Variants in SLC6A12 observed in about 807,000 individuals in gnomAD.
The protein encoded by SLC6A12 is sodium- and chloride-dependent betaine transporter.
SLC6A12 carries 50 observed loss-of-function variants against 73.3 expected under a neutral mutation model. The ratio of observed to expected loss-of-function variants is 0.68; its 90% CI spans 0.54 to 0.86. SLC6A12 has a LOEUF of 0.86. SLC6A12 is among the 40% of genes least tolerant of loss of function. SLC6A12 has a pLI of 0.00. For synonymous variants in SLC6A12, 304 were observed against 309.2 expected (o/e 0.98, Z 0.18); for missense variants, 648 against 772.8 (o/e 0.84, Z 1.92).
At chr12:188,348 G>C (rs528857299), downstream of SLC6A12, among the ~76,000 whole-genome samples, 1 of 151,918 alleles carries the variant, frequency 6.6e-6, no homozygotes, top group Non-Finnish European at 1.5e-5. Flanking sequence ...CCGGGCCGGC[G>C]GGGCCGGCAG....
intron 2 of SLC6A12, among the ~76,000 whole-genome samples, chr12:211,802 TTAATGA>T (rs1465171964): frequency 6.6e-6 from 1 of 152,178 alleles, no homozygotes; most frequent in Non-Finnish European, 1.5e-5. Context: ...GATCTAGCTG[TTAATGA>T]TAATAACAAC....
chr12:196,933 T>G, intron 10 of SLC6A12, 51 bp from the exon 11 acceptor site: 1 of 1,314,914 alleles, frequency 7.6e-7, no homozygotes, highest in South Asian at 1.2e-5. Context: ...GTGCTGCCCT[T>G]GGGGAAGAGG....
chr12:209,693 AGGAAG>A, intron 3 of SLC6A12, 75 bp downstream of exon 3: 1 of 1,488,606 alleles, frequency 6.7e-7, no homozygotes, highest in Non-Finnish European at 9.4e-7. Context: ...CACACTGCCC[AGGAAG>A]GAGGGCCCAG....
chr12:204,460 T>G (rs1940511917), intron 4 of SLC6A12, 104 bp downstream of exon 4: 2 of 1,134,626 alleles, frequency 1.8e-6, no homozygotes, highest in Non-Finnish European at 1.3e-6. Flanking sequence ...GATATGGGAG[T>G]GAGCGGATGG....
At chr12:205,251 C>G (rs1486506609) in intron 3 of SLC6A12, among the ~76,000 whole-genome samples, 1 of 152,018 alleles carries the variant, frequency 6.6e-6, no homozygotes, top group African/African-American at 2.4e-5. Flanking sequence ...TAACAGACAT[C>G]CAGCAGGTTA....
chr12:185,786 G>C (rs528216486), downstream of SLC6A12, among the ~76,000 whole-genome samples: 3 of 152,306 alleles, frequency 2.0e-5, no homozygotes, highest in South Asian at 6.2e-4. Flanking sequence ...GCTGGAGTGC[G>C]GGTCGCCAGG....
chr12:199,422 T>C lies in SLC6A12; in HGVS notation c.712-491A>G, dbSNP rs148290760. Among the ~76,000 whole-genome samples the C allele has an allele frequency of 3.0e-3, 461 of 152,330 alleles. 1 individual carries two copies. Among genetic ancestry groups the C allele is most frequent in the African/African-American group, 0.01 (420 of 41,588 alleles). Reference sequence around the variant, plus strand: ...GCCCCCTGGCGACCCAGGGGAATAGTGACCAGATTTGCACAGTGATCTGTG... The same window carrying C: ...GCCCCCTGGCGACCCAGGGGAATAGCGACCAGATTTGCACAGTGATCTGTG... On this transcript the variant is annotated intron_variant, in intron 7 of 15. Transcript: ENST00000684302.
chr12:209,150 C>A (rs756875209), intron 3 of SLC6A12, among the ~76,000 whole-genome samples: 50 of 152,164 alleles, frequency 3.3e-4, no homozygotes, highest in Admixed American at 8.5e-4. Context: ...TGGCACCTGC[C>A]GTTCCCTGTG....
chr12:193,471 C>G, intron 13 of SLC6A12, 94 bp from the exon 14 acceptor site: 2 of 880,608 alleles, frequency 2.3e-6, no homozygotes, highest in Non-Finnish European at 3.7e-6. Flanking sequence ...GTGCCCTTCC[C>G]TCACCCCCGC....
chr12:200,889 T>C lies in SLC6A12; in HGVS notation c.579-106A>G. 3 of 1,212,882 alleles carry C rather than the reference T, an allele frequency of 2.5e-6. No homozygotes were observed. The South Asian group carries it at 4.5e-5, about 18-fold the overall frequency. The allele number at this position is 1,212,882 out of a possible 1,614,324, so 75.1% of individuals were successfully genotyped here. ...CAGAGCTGACCCCACGGATCTCATA[T>C]TCCAGGGCTTCCCCCACTCCCCACC... On this transcript the variant is annotated intron_variant, in intron 6 of 15. Coordinates refer to ENST00000684302, the MANE Select transcript of SLC6A12 (RefSeq NM_001122848.3).
At chr12:204,139 G>A (rs893805474) in intron 4 of SLC6A12, 1 of 205,068 alleles carries the variant, frequency 4.9e-6, no homozygotes, top group South Asian at 9.7e-5. Flanking sequence ...CCAGCTGAGC[G>A]GGACATTTAC....
At chr12:200,615 G>A (rs765936491) in intron 7 of SLC6A12, 36 bp downstream of exon 7, 7 of 1,607,706 alleles carry the variant, frequency 4.4e-6, no homozygotes, top group Admixed American at 3.4e-5. Flanking sequence ...GACTCTGGGG[G>A]CCAAAGGGAG....
chr12:187,108 C>T (rs117741961), downstream of SLC6A12, among the ~76,000 whole-genome samples: 64 of 152,330 alleles, frequency 4.2e-4, 1 homozygote, highest in East Asian at 6.9e-3. Flanking sequence ...TGCCTCAGGG[C>T]TTCTGCTGCA....
intron 4 of SLC6A12, among the ~76,000 whole-genome samples, 174 bp downstream of exon 4, chr12:204,390 T>C (rs1940506517): frequency 6.6e-6 from 1 of 152,208 alleles, no homozygotes; most frequent in East Asian, 1.9e-4. Context: ...CGGGAGCCAG[T>C]GTTTCCCCAC....
chr12:209,667 CCCT>C, intron 3 of SLC6A12, 103 bp downstream of exon 3: 2 of 1,220,988 alleles, frequency 1.6e-6, no homozygotes, highest in Non-Finnish European at 2.4e-6. Context: ...TCCAAAATAG[CCCT>C]CCTTTTATAA....
Position 209,917 on chromosome 12 carries a change from T to C in SLC6A12, c.70A>G (p.Lys24Glu). The change falls in exon 3 of 16, where the codon AAG becomes GAG. Residue 24 changes from lysine to glutamate, a missense_variant. Physicochemically the swap from Lys to Glu is moderately conservative, Grantham distance 56. Coordinates refer to ENST00000684302, the MANE Select transcript of SLC6A12 (RefSeq NM_001122848.3). ...TGGTCCTCGTCTTCCTGGTCCAACT[T>C]CTCTCCCTCCTCGGGGACCCAGGAG... is the stretch of plus-strand genomic sequence containing the variant. ...AVSWVPEEGEKLDQEDEDQVK... is the reference protein window; with the variant it reads ...AVSWVPEEGEELDQEDEDQVK... 6.2e-7 allele frequency: 1 copy of C among 1,614,100 alleles called. No individual in the cohort carries two copies. The highest frequency in any genetic ancestry group is 1.1e-5 in the South Asian group (1 of 91,066).
rs535008118 is a variant in SLC6A12 at position 198,534 on chromosome 12, A to G, written c.846+263T>C. ...AGCTATGATGGCACCACTGCACTCCAGCCTGGGGGACAGAGCCAGACCCTG... is the reference window on the plus strand; with the variant it reads ...AGCTATGATGGCACCACTGCACTCCGGCCTGGGGGACAGAGCCAGACCCTG... On this transcript the variant is annotated intron_variant, in intron 8 of 15. Coordinates refer to ENST00000684302, the MANE Select transcript of SLC6A12 (RefSeq NM_001122848.3). This position sits in a 1 kb window ranked among gnomAD's most constrained non-coding sequence, Gnocchi z 4.0. 1.4e-4 allele frequency: 48 copies of G among 351,812 alleles called. 1 individual carries two copies. In the East Asian group the frequency reaches 2.7e-3, roughly 20 times the overall value. 21.8% of individuals were successfully genotyped at this position (351,812 alleles called of 1,614,324 possible). A position where few individuals can be genotyped will look rare whatever the true frequency, so the allele number is the denominator to read the frequency against.
At chr12:210,465 G>A (rs747440985) in intron 2 of SLC6A12, 214 of 956,028 alleles carry the variant, frequency 2.2e-4, no homozygotes, top group Non-Finnish European at 2.6e-4. Flanking sequence ...AAGGGTCAAC[G>A]GGCAGGTGTG....
intron 7 of SLC6A12, among the ~76,000 whole-genome samples, chr12:200,149 C>T (rs1417544348): frequency 1.3e-5 from 2 of 148,594 alleles, no homozygotes; most frequent in South Asian, 2.2e-4. Flanking sequence ...CTGGCTGTCG[C>T]CCAGGCTGGA....
Sources: gnomAD v4.1 joint callset for allele counts (sites outside exome capture counted in the v4.1 genomes callset) on GRCh38, gnomAD v4.1.1 for gene constraint, Gnocchi (gnomAD v3.1) non-coding constraint, MANE v1.5 for transcripts, NCBI Gene and HGNC (gene_info 2026-07-23, HGNC 2026-07-21) for gene names.